Variants in CNIH3 observed in about 807,000 individuals in gnomAD.
The protein encoded by CNIH3 is protein cornichon homolog 3.
In CNIH3, 14 loss-of-function variants were observed where a neutral mutation model predicts 24.1. That is an observed-to-expected ratio of 0.58 (90% CI 0.38 to 0.91). The LOEUF is 0.91. Ranked by LOEUF, CNIH3 falls within the 40% of genes least tolerant of loss-of-function variation. The pLI is 0.00. For synonymous variants in CNIH3, 68 were observed against 73.8 expected, an observed-to-expected ratio of 0.92 and a Z score of 0.40; for missense variants, 178 against 196.8, an observed-to-expected ratio of 0.90 and a Z score of 0.57.
chr1:224,676,719 A>G (rs1286002835), intron 1 of CNIH3, among the ~76,000 whole-genome samples: 1 of 152,154 alleles, frequency 6.6e-6, no homozygotes, highest in Non-Finnish European at 1.5e-5. Context: ...TGTTCATCAC[A>G]CTCGCAGTCA....
chr1:224,620,903 G>T (rs370571435), intron 1 of CNIH3, among the ~76,000 whole-genome samples: 4 of 152,252 alleles, frequency 2.6e-5, no homozygotes, highest in Admixed American at 1.3e-4. Context: ...TTGATGTGAA[G>T]TGATATGTAT....
chr1:224,500,171 T>G (rs1677595037), intron 1 of CNIH3, among the ~76,000 whole-genome samples: 1 of 151,006 alleles, frequency 6.6e-6, no homozygotes, highest in Non-Finnish European at 1.5e-5. Flanking sequence ...GCCTGACTAA[T>G]TAAAACAATT....
chr1:224,620,772 G>C (rs1275722503), intron 1 of CNIH3, among the ~76,000 whole-genome samples: 2 of 152,120 alleles, frequency 1.3e-5, no homozygotes, highest in Admixed American at 1.3e-4. Flanking sequence ...GGTTGAGGCA[G>C]GAGGATCACT....
At chr1:224,435,000 C>A (rs1674582426) in intron 1 of CNIH3, 7 of 985,550 alleles carry the variant, frequency 7.1e-6, no homozygotes, top group Non-Finnish European at 8.4e-6. Context: ...ATCCTATCCC[C>A]GGCCCCGCTC....
At chr1:224,635,189 A>T (rs1481524639) in intron 1 of CNIH3, among the ~76,000 whole-genome samples, 1 of 152,052 alleles carries the variant, frequency 6.6e-6, no homozygotes, top group African/African-American at 2.4e-5. Context: ...ACTGCCCTAA[A>T]CACTTTTAAA....
At chr1:224,727,445 G>C (rs1689091986) in intron 3 of CNIH3, among the ~76,000 whole-genome samples, 1 of 152,146 alleles carries the variant, frequency 6.6e-6, no homozygotes, top group Non-Finnish European at 1.5e-5. Context: ...TGCTTTGTCA[G>C]AGGAAAAGGA....
Position 224,463,409 on chromosome 1 carries a change from C to G in CNIH3, n.203+28547C>G, listed in dbSNP as rs76345917. Among the ~76,000 whole-genome samples the G allele has an allele frequency of 5.4e-4, 77 of 142,730 alleles. 2 individuals are homozygous for G. The East Asian group carries it at 0.014, about 26-fold the overall frequency. The allele number at this position is 142,730 out of a possible 152,430, so 93.6% of individuals were successfully genotyped here. A position where few individuals can be genotyped will look rare whatever the true frequency, so the allele number is the denominator to read the frequency against. On this transcript the variant is annotated intron_variant and non_coding_transcript_variant, in intron 1 of 5. Coordinates refer to the CNIH3 transcript ENST00000471578. ...ATTTTTGGAGTTATTAGCATGAATA[C>G]AAGTCTTTTTTTTTTTGAGGCGGAG...
At chr1:224,513,123 C>T (rs998731922), upstream of CNIH3, among the ~76,000 whole-genome samples, 5 of 152,052 alleles carry the variant, frequency 3.3e-5, no homozygotes, top group African/African-American at 1.2e-4. Flanking sequence ...ACCCTGCCCG[C>T]AGCCTGTGTC....
At chr1:224,605,506 A>G (rs1326499528) in intron 3 of CNIH3, among the ~76,000 whole-genome samples, 1 of 152,232 alleles carries the variant, frequency 6.6e-6, no homozygotes, top group Non-Finnish European at 1.5e-5. Context: ...AAAGGCCACC[A>G]AGTTAGGAGA....
At chr1:224,540,275 C>T (rs1426676084), downstream of CNIH3, among the ~76,000 whole-genome samples, 2 of 152,142 alleles carry the variant, frequency 1.3e-5, no homozygotes, top group African/African-American at 4.8e-5. Flanking sequence ...GAAATGCAAC[C>T]AAAGTAGTTT....
chr1:224,581,180 T>C (rs1681260163), intron 4 of CNIH3, among the ~76,000 whole-genome samples: 1 of 152,214 alleles, frequency 6.6e-6, no homozygotes, highest in Admixed American at 6.5e-5. Flanking sequence ...TTTCATACCA[T>C]GTTGCTTTTG....
At chr1:224,578,920 C>T (rs1474307939) in intron 4 of CNIH3, among the ~76,000 whole-genome samples, 1 of 152,074 alleles carries the variant, frequency 6.6e-6, no homozygotes, top group Non-Finnish European at 1.5e-5. Flanking sequence ...AGGGCCCTTT[C>T]AATCTGGAAA....
At chr1:224,550,049 T>A (rs905919486) in intron 3 of CNIH3, among the ~76,000 whole-genome samples, 1 of 152,172 alleles carries the variant, frequency 6.6e-6, no homozygotes, top group African/African-American at 2.4e-5. Flanking sequence ...GGGATGATAT[T>A]TCTATAATAT....
At chr1:224,435,687 A>G (rs561073569) in intron 1 of CNIH3, 1 of 152,364 alleles carries the variant, frequency 6.6e-6, no homozygotes, top group Non-Finnish European at 1.5e-5. Context: ...TTTACGTGGC[A>G]TGTGAGCCTT....
upstream of CNIH3, among the ~76,000 whole-genome samples, chr1:224,511,660 A>T (rs1678155810): frequency 6.6e-6 from 1 of 150,910 alleles, no homozygotes; most frequent in Non-Finnish European, 1.5e-5. Context: ...TTGCAACCAG[A>T]CTGGGCAACA....
intron 3 of CNIH3, among the ~76,000 whole-genome samples, chr1:224,561,376 G>A (rs1680367363): frequency 6.6e-6 from 1 of 152,170 alleles, no homozygotes; most frequent in African/African-American, 2.4e-5. Flanking sequence ...ACCCAGAGCT[G>A]ATTTTTGTGA....
At chr1:224,438,893 A>G (rs995488100) in intron 1 of CNIH3, among the ~76,000 whole-genome samples, 3 of 152,242 alleles carry the variant, frequency 2.0e-5, no homozygotes, top group African/African-American at 7.2e-5. Flanking sequence ...GAAAAGTACT[A>G]TGTTGAAATA....
At chr1:224,634,985 G>A (rs953604504) in intron 1 of CNIH3, among the ~76,000 whole-genome samples, 1 of 152,204 alleles carries the variant, frequency 6.6e-6, no homozygotes, top group African/African-American at 2.4e-5. Flanking sequence ...CTCACAAGGG[G>A]TGTGTTAGTT....
intron 4 of CNIH3, among the ~76,000 whole-genome samples, chr1:224,576,810 A>G (rs1372434820): frequency 6.6e-6 from 1 of 152,222 alleles, no homozygotes; most frequent in Non-Finnish European, 1.5e-5. Flanking sequence ...ACATTACCTG[A>G]CTTCAAACTA....
Sources: gnomAD v4.1 joint callset for allele counts (sites outside exome capture counted in the v4.1 genomes callset) on GRCh38, gnomAD v4.1.1 for gene constraint, MANE v1.5 for transcripts, NCBI Gene and HGNC (gene_info 2026-07-23, HGNC 2026-07-21) for gene names.